The following TRPM4 variants were observed in gnomAD, a reference collection of about 807,000 sequenced individuals.
TRPM4 encodes the protein calcium-activated non-selective cation channel 1.
A neutral mutation model predicts 135.6 loss-of-function variants in TRPM4; 124 were observed. The observed-to-expected ratio is 0.91, with a 90% CI of 0.79 to 1.06. TRPM4 has a LOEUF of 1.06. TRPM4 is among the 50% of genes least tolerant of loss of function. The pLI, the probability that TRPM4 is intolerant of heterozygous loss-of-function variation, is 0.00. For synonymous variants in TRPM4, 745 were observed against 705.6 expected (o/e 1.06, Z -0.88); for missense variants, 1,658 against 1,671.4 (o/e 0.99, Z 0.14).
intron 20 of TRPM4, among the ~76,000 whole-genome samples, chr19:49,206,117 C>T (rs184528907): frequency 5.3e-5 from 8 of 151,984 alleles, no homozygotes; most frequent in South Asian, 2.1e-4. Flanking sequence ...CCTGCCACCA[C>T]GCCCGGCTAA....
At chr19:49,200,963 C>T (rs1028500758) in intron 19 of TRPM4, among the ~76,000 whole-genome samples, 178 bp downstream of exon 19, 4 of 151,892 alleles carry the variant, frequency 2.6e-5, no homozygotes, top group African/African-American at 9.7e-5. Context: ...CTCTGCCTAC[C>T]CCACCCCCTC....
intron 9 of TRPM4, among the ~76,000 whole-genome samples, chr19:49,180,474 G>A (rs1967873715): frequency 7.4e-6 from 1 of 134,374 alleles, no homozygotes. Context: ...GTGTGTGTGT[G>A]TGTTGCACCC....
At chr19:49,199,251 TG>T (rs1968820170) in intron 17 of TRPM4, among the ~76,000 whole-genome samples, 2 of 129,926 alleles carry the variant, frequency 1.5e-5, no homozygotes, top group East Asian at 2.1e-4. Flanking sequence ...GTTTTTTTTT[TG>T]GTTTTTGTTT....
Position 49,208,265 on chromosome 19 carries a change from C to T in TRPM4, c.3132-1944C>T, listed in dbSNP as rs117304019. On this transcript the variant is annotated intron_variant, in intron 20 of 24. Coordinates refer to ENST00000252826, the MANE Select transcript of TRPM4 (RefSeq NM_017636.4). ...AGACGGTTAGGCCCCTGGATAACTG[C>T]GGGCGGGCCTGACATCAGTCAGGCC... Among the ~76,000 whole-genome samples the T allele has an allele frequency of 8.0e-3, 1,215 of 151,756 alleles. 28 individuals are homozygous for T. The highest frequency in any genetic ancestry group is 0.048 in the East Asian group (248 of 5,136).
chr19:49,208,679 A>G lies in TRPM4; in HGVS notation c.3132-1530A>G, dbSNP rs76745804. 7.5e-3 allele frequency among the ~76,000 whole-genome samples: 1,144 copies of G among 152,278 alleles called. 9 individuals carry two copies. The highest frequency in any genetic ancestry group is 0.026 in the African/African-American group (1,086 of 41,548). ...ATAATCATATCTATGATCTATATCTAGTATAACTCTTGTTATTTTATATGT... is the reference window on the plus strand; with the variant it reads ...ATAATCATATCTATGATCTATATCTGGTATAACTCTTGTTATTTTATATGT... On this transcript the variant is annotated intron_variant, in intron 20 of 24. Coordinates refer to ENST00000252826, the MANE Select transcript of TRPM4 (RefSeq NM_017636.4).
At chr19:49,160,415 C>T (rs1378358450) in intron 2 of TRPM4, among the ~76,000 whole-genome samples, 1 of 147,502 alleles carries the variant, frequency 6.8e-6, no homozygotes, top group Admixed American at 6.9e-5. Context: ...ACCTGGGAGA[C>T]GGAGGCTACT....
Position 49,196,791 on chromosome 19 carries a change from G to A in TRPM4, c.2562G>A (p.Gln854=), listed in dbSNP as rs772656039. Residue 854 remains glutamine, a synonymous_variant, in exon 17 of 25, where the codon CAG becomes CAA. Transcript: ENST00000252826. ...GGCCTGGCCATGCCTCACTGAGCCA[G>A]CGCCTGCGCCTCTACCTCGCCGACA... is the stretch of plus-strand genomic sequence containing the variant. ...GPGPGHASLS[Q]RLRLYLADSW... The A allele has an allele frequency of 3.2e-6, 5 of 1,578,198 alleles. No homozygotes were observed. Among genetic ancestry groups the A allele is most frequent in the Non-Finnish European group, 4.3e-6 (5 of 1,169,942 alleles).
At position 49,157,846 on chromosome 19, in the gene TRPM4, G is replaced by C. The variant is rs1458426715; in HGVS notation, c.-21G>C. On this transcript the variant is annotated 5_prime_UTR_variant, in exon 1 of 25. Transcript: ENST00000252826. ...AGCGCCGGGGCCCTGGGCTGCAGGA[G>C]GTTGCGGCGGCCGCGGCAGCATGGT... The C allele has an allele frequency of 6.5e-7, 1 of 1,534,590 alleles. No individual in the cohort carries two copies. Among genetic ancestry groups the C allele is most frequent in the East Asian group, 2.4e-5 (1 of 40,900 alleles).
At chr19:49,166,905 T>C (rs1967210974) in intron 3 of TRPM4, among the ~76,000 whole-genome samples, 1 of 150,840 alleles carries the variant, frequency 6.6e-6, no homozygotes, top group South Asian at 2.1e-4. Flanking sequence ...TCTCTGGGTC[T>C]CTGTCTGTTT....
chr19:49,168,168 G>A (rs1055131059), intron 4 of TRPM4, 71 bp downstream of exon 4: 2 of 1,592,734 alleles, frequency 1.3e-6, no homozygotes, highest in African/African-American at 1.4e-5. Flanking sequence ...GACTGTGGGT[G>A]GCCTCCCCCG....
intron 16 of TRPM4, among the ~76,000 whole-genome samples, chr19:49,194,679 T>C (rs1242747986): frequency 1.7e-5 from 2 of 120,552 alleles, no homozygotes; most frequent in East Asian, 2.8e-4. Context: ...CTCCCTTCCT[T>C]CCTTCTTTTC....
At chr19:49,165,502 C>T (rs900385040) in intron 2 of TRPM4, among the ~76,000 whole-genome samples, 1 of 152,118 alleles carries the variant, frequency 6.6e-6, no homozygotes, top group Admixed American at 6.6e-5. Flanking sequence ...GGTATGCGAG[C>T]CTCATTTCAG....
rs560956443 is a variant in TRPM4, at chr19:49,201,867, C to T, written c.2954-97C>T. On this transcript the variant is annotated intron_variant, in intron 19 of 24. Transcript: ENST00000252826. ...CGGCCATCTCAGCCTCCCAAAAGTG[C>T]TGGGATTACAGGCGTGAGCCACCGC... 1.4e-4 allele frequency: 181 copies of T among 1,310,030 alleles called. 3 individuals carry two copies. In the South Asian group the frequency reaches 2.1e-3, roughly 15 times the overall value. 81.2% of individuals were successfully genotyped at this position (1,310,030 alleles called of 1,614,324 possible). A position where few individuals can be genotyped will look rare whatever the true frequency, so the allele number is the denominator to read the frequency against.
Position 49,211,065 on chromosome 19 carries a change from G to T in TRPM4, c.3512G>T (p.Arg1171Leu), listed in dbSNP as rs762615860. 6 of 1,613,980 alleles carry T rather than the reference G, an allele frequency of 3.7e-6. No individual in the cohort carries two copies. The highest frequency in any genetic ancestry group is 5.1e-6 in the Non-Finnish European group (6 of 1,180,004). Reference sequence around the variant, plus strand: ...GGACACATCCGCGAGTACGAACAGCGCCTGAAAGTGCTGGAGCGGGAGGTG... The same window carrying T: ...GGACACATCCGCGAGTACGAACAGCTCCTGAAAGTGCTGGAGCGGGAGGTG... ...QLGHIREYEQ[R>L]LKVLEREVQQ... The change falls in exon 23 of 25, where the codon CGC becomes CTC. Residue 1171 changes from arginine (R) to leucine (L), a missense_variant. This residue lies in a region of TRPM4 where 1,412 missense variants were observed against 1,408.7 expected (regional missense o/e 1.00). Transcript: ENST00000252826. The surrounding 1 kb of genome is among the most constrained non-coding windows in gnomAD (Gnocchi z 4.8).
In TRPM4 at chr19:49,171,536, C is replaced by T. The variant is rs1448605091; in HGVS notation, c.859-42C>T. ...GACTCCGGGTAGGGTGAATATCCTG[C>T]CTTTTCTGACGTGATGAATAAAGAA... On this transcript the variant is annotated intron_variant, in intron 7 of 24. Transcript: ENST00000252826. The surrounding 1 kb of genome is among the most constrained non-coding windows in gnomAD (Gnocchi z 4.7). The T allele has an allele frequency of 1.9e-6, 3 of 1,613,204 alleles. No individual in the cohort carries two copies. Among genetic ancestry groups the T allele is most frequent in the Non-Finnish European group, 2.5e-6 (3 of 1,179,396 alleles).
Position 49,211,469 on chromosome 19 carries a change from C to G in TRPM4, c.3641-25C>G. 1 of 1,614,030 alleles carries G rather than the reference C, an allele frequency of 6.2e-7. No individual in the cohort carries two copies. The highest frequency in any genetic ancestry group is 1.1e-5 in the South Asian group (1 of 91,092). On this transcript the variant is annotated intron_variant, in intron 24 of 24. Transcript: ENST00000252826. This position sits in a 1 kb window ranked among gnomAD's most constrained non-coding sequence, Gnocchi z 4.8. ...TCTCCCCTTCCCTGCCAATCACCTG[C>G]TCTCTCTTTTCTCTCTTCCCCCAGA...
Position 49,200,444 on chromosome 19 carries a change from GC to G in TRPM4, c.2778+13del. On this transcript the variant is annotated intron_variant, in intron 18 of 24. Transcript: ENST00000252826. ...TCGTGAGCAAGATGGTGAGGCAGGG[GC>G]GGGGCCAAAGTGGGCGGGGACATAG... The G allele has an allele frequency of 6.2e-7, 1 of 1,612,286 alleles. No individual in the cohort carries two copies. Among genetic ancestry groups the G allele is most frequent in the African/African-American group, 1.3e-5 (1 of 74,960 alleles).
chr19:49,201,004 T>C (rs1049266155), intron 19 of TRPM4, among the ~76,000 whole-genome samples: 5 of 144,628 alleles, frequency 3.5e-5, no homozygotes, highest in East Asian at 3.9e-4. Context: ...TTTTTTCTTT[T>C]TTTTTTTCTT....
At chr19:49,180,146 G>T (rs1239801580) in intron 9 of TRPM4, among the ~76,000 whole-genome samples, 2 of 152,128 alleles carry the variant, frequency 1.3e-5, no homozygotes, top group South Asian at 4.1e-4. Context: ...ATTTGTTTTG[G>T]AGATAGATAT....
Sources: allele counts gnomAD v4.1 joint callset (sites outside exome capture counted in the v4.1 genomes callset), GRCh38; gene constraint gnomAD v4.1.1; regional missense constraint gnomAD v4.1.1; non-coding constraint Gnocchi (gnomAD v3.1); transcripts MANE v1.5; gene names NCBI Gene and HGNC (gene_info 2026-07-23, HGNC 2026-07-21).